Variants in LYRM4 observed in about 807,000 individuals in gnomAD.
LYRM4 encodes the protein LYR motif containing 4, also known as LYR motif-containing protein 4.
Under a neutral mutation model 11.7 loss-of-function variants are expected in LYRM4, and 9 were observed. The ratio of observed to expected loss-of-function variants is 0.77; its 90% CI spans 0.46 to 1.34. The LOEUF is 1.34. LYRM4 is among the 40% of genes most tolerant of loss of function. The pLI, the probability that LYRM4 is intolerant of heterozygous loss-of-function variation, is 0.00. For synonymous variants in LYRM4, 42 were observed against 40.4 expected (o/e 1.04, Z -0.15); for missense variants, 133 against 112.5 (o/e 1.18, Z -0.82).
chr6:5,178,804 CAAAAAAAAAAAAAAAAA>C (rs56880549), intron 2 of LYRM4, among the ~76,000 whole-genome samples: 1 of 30,026 alleles, frequency 3.3e-5, no homozygotes, highest in African/African-American at 9.8e-5. Context: ...GACTCTGTCT[CAAAAAAAAAAAAAAAAA>C]AAAAAAAAAA....
intron 2 of LYRM4, chr6:5,187,118 T>A: frequency 1.4e-6 from 1 of 701,898 alleles, no homozygotes; most frequent in South Asian, 6.4e-5. Flanking sequence ...GAAATGCACA[T>A]GCTAATAGCA....
chr6:5,127,156 G>C (rs1316166616), intron 2 of LYRM4, among the ~76,000 whole-genome samples: 2 of 152,114 alleles, frequency 1.3e-5, no homozygotes, highest in African/African-American at 4.8e-5. Flanking sequence ...CACCATGTTG[G>C]CCAGGCTGGT....
At chr6:5,136,868 T>C in intron 2 of LYRM4, 1 of 968,006 alleles carries the variant, frequency 1.0e-6, no homozygotes, top group Non-Finnish European at 1.2e-6. Context: ...CCATCAAATC[T>C]ATCCAATTAA....
At chr6:5,250,530 A>AT (rs1561902593) in intron 1 of LYRM4, among the ~76,000 whole-genome samples, 1 of 151,812 alleles carries the variant, frequency 6.6e-6, no homozygotes, top group Admixed American at 6.5e-5. Context: ...AGAGAAAAAA[A>AT]TGTTTTTTGG....
chr6:5,169,935 C>T (rs1435141449), intron 2 of LYRM4, among the ~76,000 whole-genome samples: 1 of 152,140 alleles, frequency 6.6e-6, no homozygotes, highest in African/African-American at 2.4e-5. Context: ...AGCAAAGGTG[C>T]CGTGGAGGGG....
intron 2 of LYRM4, among the ~76,000 whole-genome samples, chr6:5,145,387 G>A (rs988649544): frequency 6.6e-6 from 1 of 152,214 alleles, no homozygotes. Flanking sequence ...CTGCGAAGTC[G>A]GCACCAGTAT....
At chr6:5,072,641 C>T in the LYRM4 span, among the ~76,000 whole-genome samples, 1 of 150,632 alleles carries the variant, frequency 6.6e-6, no homozygotes, top group Non-Finnish European at 1.5e-5. Context: ...TTCAATGGCA[C>T]GATCTCGGCT....
intron 2 of LYRM4, among the ~76,000 whole-genome samples, chr6:5,178,885 T>A (rs1759889866): frequency 6.8e-6 from 1 of 146,520 alleles, no homozygotes; most frequent in Non-Finnish European, 1.5e-5. Flanking sequence ...ATACAGTGAG[T>A]TCCTTTTAAG....
At chr6:5,145,203 A>T (rs2127630563) in intron 2 of LYRM4, among the ~76,000 whole-genome samples, 1 of 152,284 alleles carries the variant, frequency 6.6e-6, no homozygotes, top group East Asian at 1.9e-4. Flanking sequence ...AATCTGAGGC[A>T]AGCTTCTCCT....
At chr6:5,244,414 T>A (rs1389021870) in intron 1 of LYRM4, among the ~76,000 whole-genome samples, 1 of 152,150 alleles carries the variant, frequency 6.6e-6, no homozygotes, top group South Asian at 2.1e-4. Flanking sequence ...ATGCTACTGA[T>A]ATGACATCTC....
intron 2 of LYRM4, among the ~76,000 whole-genome samples, chr6:5,151,170 G>A (rs913071802): frequency 1.3e-5 from 2 of 148,588 alleles, no homozygotes; most frequent in Admixed American, 6.8e-5. Flanking sequence ...TGCAACCTCC[G>A]CCTCCTGGGT....
intron 2 of LYRM4, among the ~76,000 whole-genome samples, chr6:5,213,418 A>G (rs1436265648): frequency 6.6e-6 from 1 of 152,148 alleles, no homozygotes; most frequent in Non-Finnish European, 1.5e-5. Context: ...TGAGCAGGTA[A>G]GTGTTGTGGG....
chr6:5,085,373 C>G, the LYRM4 span: 1 of 760,534 alleles, frequency 1.3e-6, no homozygotes, highest in Non-Finnish European at 2.0e-6. Flanking sequence ...CGACTCGCCT[C>G]GGGGAGGGCG....
At chr6:5,237,451 G>GT (rs141302020) in intron 1 of LYRM4, among the ~76,000 whole-genome samples, 2,184 of 151,908 alleles carry the variant, frequency 0.014, 47 homozygotes, top group South Asian at 0.051. Context: ...CTATATTATG[G>GT]TGAGTTTCAT....
the LYRM4 span, among the ~76,000 whole-genome samples, chr6:5,035,457 T>C: frequency 0.73 from 108,959 of 149,376 alleles, 40,521 homozygotes; most frequent in East Asian, 0.95. Context: ...TGGCTCAGCG[T>C]GCATCGCAGC....
chr6:5,118,368 C>T (rs971064534), intron 2 of LYRM4, among the ~76,000 whole-genome samples: 1 of 152,086 alleles, frequency 6.6e-6, no homozygotes, highest in Non-Finnish European at 1.5e-5. Flanking sequence ...CCGCCTGACT[C>T]GGCCTCCTAA....
At chr6:5,201,770 T>C (rs922366839) in intron 2 of LYRM4, among the ~76,000 whole-genome samples, 8 of 152,222 alleles carry the variant, frequency 5.3e-5, no homozygotes, top group African/African-American at 1.9e-4. Flanking sequence ...TAGCCAAGGC[T>C]ACGAAAGTAT....
intron 1 of LYRM4, among the ~76,000 whole-genome samples, chr6:5,229,367 C>T (rs1236105354): frequency 8.5e-5 from 13 of 152,084 alleles, no homozygotes; most frequent in East Asian, 3.9e-4. Context: ...CCAAAGCGGG[C>T]GATTGTCTTC....
intron 2 of LYRM4, among the ~76,000 whole-genome samples, chr6:5,142,692 T>C (rs867908424): frequency 6.6e-6 from 1 of 152,226 alleles, no homozygotes; most frequent in South Asian, 2.1e-4. Context: ...CTTTTCATTT[T>C]TTCCCCTTAA....
Sources: allele counts gnomAD v4.1 joint callset (sites outside exome capture counted in the v4.1 genomes callset), GRCh38; gene constraint gnomAD v4.1.1; transcripts MANE v1.5; gene names NCBI Gene and HGNC (gene_info 2026-07-23, HGNC 2026-07-21).